PCDHGA3: variants seen among roughly 807,000 people sequenced by gnomAD.
PCDHGA3 encodes the protein protocadherin gamma subfamily A, 3, also known as protocadherin gamma-A3.
A neutral mutation model predicts 58.5 loss-of-function variants in PCDHGA3; 40 were observed. That is an observed-to-expected ratio of 0.68 (90% CI 0.53 to 0.89). PCDHGA3 has a LOEUF of 0.89. Ranked by LOEUF, PCDHGA3 falls within the 40% of genes least tolerant of loss-of-function variation. The pLI, the probability that PCDHGA3 is intolerant of heterozygous loss-of-function variation, is 0.00. For synonymous variants in PCDHGA3, 530 were observed against 525.7 expected (o/e 1.01, Z -0.11); for missense variants, 1,223 against 1,195.9 (o/e 1.02, Z -0.33).
chr5:141,388,056 G>A lies in PCDHGA3; in HGVS notation c.2424+41599G>A, dbSNP rs1192724751. 2.2e-6 allele frequency: 3 copies of A among 1,386,286 alleles called. No individual in the cohort carries two copies. In the Admixed American group the frequency reaches 6.2e-5, roughly 29 times the overall value. 85.9% of individuals were successfully genotyped at this position (1,386,286 alleles called of 1,614,324 possible). A position where few individuals can be genotyped will look rare whatever the true frequency, so the allele number is the denominator to read the frequency against. On this transcript the variant is annotated intron_variant, in intron 1 of 3. Coordinates refer to ENST00000253812, the MANE Select transcript of PCDHGA3 (RefSeq NM_018916.4). ...CCTCGCCACGGACCTGGGGTTCAGC[G>A]TCCAGGAGTTACCGACTCGAAAACT...
chr5:141,491,119 G>A lies in PCDHGA3; in HGVS notation c.2425-3688G>A. 6.2e-7 allele frequency: 1 copy of A among 1,614,216 alleles called. No individual in the cohort carries two copies. The highest frequency in any genetic ancestry group is 1.1e-5 in the South Asian group (1 of 91,086). ...GTTCCTCGTGTCTACACACACTGGT[G>A]AGGTGCGCACAGCCCGGGCCTTACT... On this transcript the variant is annotated intron_variant, in intron 1 of 3. Transcript: ENST00000253812. The surrounding 1 kb of genome is among the most constrained non-coding windows in gnomAD (Gnocchi z 6.9).
In PCDHGA3 at chr5:141,487,198, T is replaced by C; in HGVS notation, c.2425-7609T>C. ...AAGACACTCATCCAGTTGTCCCAGA[T>C]CTTCGAGAATCTTCAGCTCCAAGGG... On this transcript the variant is annotated intron_variant, in intron 1 of 3. Transcript: ENST00000253812. The surrounding 1 kb of genome is among the most constrained non-coding windows in gnomAD (Gnocchi z 5.0). The C allele has an allele frequency of 6.2e-7, 1 of 1,613,854 alleles. No homozygotes were observed.
At chr5:141,357,022 C>T (rs1318663239) in intron 1 of PCDHGA3, 1 of 1,614,150 alleles carries the variant, frequency 6.2e-7, no homozygotes, top group Non-Finnish European at 8.5e-7. Flanking sequence ...GTCCTACAGC[C>T]TACTCAAGTC....
chr5:141,462,781 G>A (rs893647456), intron 1 of PCDHGA3, among the ~76,000 whole-genome samples: 7 of 152,102 alleles, frequency 4.6e-5, no homozygotes, highest in African/African-American at 1.7e-4. Context: ...GTCATAATTT[G>A]TTGCTTATTT....
chr5:141,412,952 T>C, intron 1 of PCDHGA3: 1 of 482,218 alleles, frequency 2.1e-6, no homozygotes, highest in Non-Finnish European at 3.6e-6. Context: ...AGCGCCGCTG[T>C]TCACCTACTA....
At chr5:141,452,751 A>C (rs1592230802) in intron 1 of PCDHGA3, among the ~76,000 whole-genome samples, 1 of 152,094 alleles carries the variant, frequency 6.6e-6, no homozygotes, top group South Asian at 2.1e-4. Context: ...AGAAGGAAGA[A>C]GGAAGGGAGG....
chr5:141,422,150 T>C (rs773805631), intron 1 of PCDHGA3: 23 of 1,577,056 alleles, frequency 1.5e-5, no homozygotes, highest in Non-Finnish European at 1.8e-5. Context: ...CGGGGGTCTC[T>C]GGATTTTGAA....
intron 1 of PCDHGA3, chr5:141,409,000 C>T (rs779251035): frequency 6.2e-7 from 1 of 1,613,950 alleles, no homozygotes; most frequent in South Asian, 1.1e-5. Context: ...AAGTGACAGC[C>T]ACTGACCAGG....
chr5:141,343,988 A>G lies in PCDHGA3; in HGVS notation c.-46A>G. ...AGAAAATAAGATTGGAGTCCGTCGT[A>G]GGAAACTGGAACCGAATTCAGAGAA... On this transcript the variant is annotated 5_prime_UTR_variant, in exon 1 of 4. Transcript: ENST00000253812. The G allele has an allele frequency of 6.8e-7, 1 of 1,461,352 alleles. No homozygotes were observed. The allele number at this position is 1,461,352 out of a possible 1,614,324, so 90.5% of individuals were successfully genotyped here. A position where few individuals can be genotyped will look rare whatever the true frequency, so the allele number is the denominator to read the frequency against.
At chr5:141,400,017 C>T in intron 1 of PCDHGA3, 1 of 1,612,778 alleles carries the variant, frequency 6.2e-7, no homozygotes. Context: ...CCTTGGGCGA[C>T]AGGGACGCGG....
chr5:141,391,681 T>TC (rs2092407596), intron 1 of PCDHGA3: 4 of 152,210 alleles, frequency 2.6e-5, no homozygotes, highest in Admixed American at 2.6e-4. Context: ...TGAAATAAGT[T>TC]CATCTGCTAC....
Position 141,486,998 on chromosome 5 carries a change from C to T in PCDHGA3, c.2425-7809C>T. 1.2e-6 allele frequency: 2 copies of T among 1,614,206 alleles called. No individual in the cohort carries two copies. Among genetic ancestry groups the T allele is most frequent in the Non-Finnish European group, 1.7e-6 (2 of 1,180,034 alleles). On this transcript the variant is annotated intron_variant, in intron 1 of 3. Transcript: ENST00000253812. The surrounding 1 kb of genome is among the most constrained non-coding windows in gnomAD (Gnocchi z 5.0). The stretch of plus-strand genomic sequence containing the variant: ...AGGTTACAATGCTTGGGTTTCCTAT[C>T]AGCTCCTGGAGGCCCCAGATCCCAG...
chr5:141,345,561 A>G lies in PCDHGA3; in HGVS notation c.1528A>G (p.Asn510Asp). ...PLSSFVSINS[N>D]TGVLYALRSF... The stretch of plus-strand genomic sequence containing the variant: ...GTCCTCCTTCGTCTCTATCAACTCC[A>G]ACACTGGCGTCCTATACGCGCTGAG... The change falls in exon 1 of 4, where the codon AAC (asparagine) becomes GAC (aspartate). Residue 510 changes from asparagine (N) to aspartate (D), a missense_variant. Physicochemically the swap from Asn to Asp is conservative, Grantham distance 23 (BLOSUM62 1). Transcript: ENST00000253812. The G allele has an allele frequency of 6.2e-7, 1 of 1,614,142 alleles. No individual in the cohort carries two copies. The highest frequency in any genetic ancestry group is 1.3e-5 in the African/African-American group (1 of 75,012).
In PCDHGA3 at chr5:141,403,923, G is replaced by T. The variant is rs199643799; in HGVS notation, c.2424+57466G>T. 1.2e-3 allele frequency: 1,935 copies of T among 1,613,900 alleles called. 4 individuals carry two copies. Among genetic ancestry groups the T allele is most frequent in the Non-Finnish European group, 1.5e-3 (1,744 of 1,179,882 alleles). On this transcript the variant is annotated intron_variant, in intron 1 of 3. Transcript: ENST00000253812. The stretch of plus-strand genomic sequence containing the variant: ...GAAATGGAAATACAAGCTGAAGATG[G>T]TGGGGGATTGAAAGGGTGGACAAAA...
At chr5:141,504,666 G>T (rs2099839952) in intron 2 of PCDHGA3, among the ~76,000 whole-genome samples, 1 of 107,242 alleles carries the variant, frequency 9.3e-6, no homozygotes, top group South Asian at 3.6e-4. Context: ...AGGGCGGGGG[G>T]TGGGGGTTCT....
intron 1 of PCDHGA3, chr5:141,441,954 CA>C (rs1240871171): frequency 3.1e-6 from 1 of 319,488 alleles, no homozygotes; most frequent in Non-Finnish European, 6.0e-6. Flanking sequence ...TGCAGGCCAG[CA>C]AGCCCAGGCT....
rs1190624035 is a variant in PCDHGA3, at chr5:141,432,332, T to G, written c.2425-62475T>G. ...GCTGAGCTCCTTCGACTACGAGCAG[T>G]TCCGAGACTTGCAAGTGAAAGTGAT... On this transcript the variant is annotated intron_variant, in intron 1 of 3. Coordinates refer to ENST00000253812, the MANE Select transcript of PCDHGA3 (RefSeq NM_018916.4). The surrounding 1 kb of genome is among the most constrained non-coding windows in gnomAD (Gnocchi z 6.0). The G allele has an allele frequency of 2.5e-6, 4 of 1,614,116 alleles. No homozygotes were observed. In the African/African-American group the frequency reaches 5.3e-5, roughly 22 times the overall value.
At chr5:141,365,366 G>A (rs764735476) in intron 1 of PCDHGA3, 15 of 1,613,910 alleles carry the variant, frequency 9.3e-6, no homozygotes, top group Middle Eastern at 1.6e-4. Flanking sequence ...CAATGCCCCC[G>A]AAGTGATCCT....
At chr5:141,424,723 T>A (rs2096836963) in intron 1 of PCDHGA3, 2 of 152,144 alleles carry the variant, frequency 1.3e-5, no homozygotes, top group African/African-American at 4.8e-5. Context: ...TAGTTGGGAG[T>A]CATAGATTCC....
Sources: gnomAD v4.1 joint callset for allele counts (sites outside exome capture counted in the v4.1 genomes callset) on GRCh38, gnomAD v4.1.1 for gene constraint, Gnocchi (gnomAD v3.1) non-coding constraint, MANE v1.5 for transcripts, NCBI Gene and HGNC (gene_info 2026-07-23, HGNC 2026-07-21) for gene names.